WWTR1: variants seen among roughly 807,000 people sequenced by gnomAD.
The protein encoded by WWTR1 is WW domain-containing transcription regulator protein 1.
A neutral mutation model predicts 40.1 loss-of-function variants in WWTR1; 13 were observed. The ratio of observed to expected loss-of-function variants is 0.32; its 90% CI spans 0.21 to 0.52. The LOEUF (loss-of-function observed/expected upper bound fraction) is 0.52. Among genes scored for constraint, WWTR1 ranks in the 20% least tolerant of loss-of-function variants. The pLI is 0.97. For synonymous variants in WWTR1, 230 were observed against 210.1 expected, an observed-to-expected ratio of 1.09 and a Z score of -0.82; for missense variants, 436 against 523.1, an observed-to-expected ratio of 0.83 and a Z score of 1.63.
upstream of WWTR1, among the ~76,000 whole-genome samples, chr3:149,658,970 A>C (rs1033957619): frequency 6.6e-6 from 1 of 151,998 alleles, no homozygotes; most frequent in African/African-American, 2.4e-5. Flanking sequence ...GAAAAAAGCC[A>C]CCCACCTTCC....
At chr3:149,615,801 G>C (rs544266513) in intron 2 of WWTR1, among the ~76,000 whole-genome samples, 36 of 152,284 alleles carry the variant, frequency 2.4e-4, no homozygotes, top group African/African-American at 7.9e-4. Flanking sequence ...AGGGGTAGCG[G>C]CCACACCACA....
At chr3:149,549,512 A>G (rs1736518784) in intron 3 of WWTR1, among the ~76,000 whole-genome samples, 1 of 152,238 alleles carries the variant, frequency 6.6e-6, no homozygotes, top group South Asian at 2.1e-4. Flanking sequence ...AAACTGTCAC[A>G]GCCAAAAGGA....
At chr3:149,645,331 G>A (rs1029153324) in intron 2 of WWTR1, among the ~76,000 whole-genome samples, 23 of 151,820 alleles carry the variant, frequency 1.5e-4, no homozygotes, top group South Asian at 8.3e-4. Flanking sequence ...TGCCCGCCTC[G>A]GCCTCCCAAA....
intron 2 of WWTR1, among the ~76,000 whole-genome samples, chr3:149,624,901 T>A (rs111870835): frequency 0.019 from 2,877 of 151,536 alleles, 80 homozygotes; most frequent in African/African-American, 0.063. Context: ...TTATTTATTT[T>A]TTTATTTTTA....
chr3:149,581,147 C>A (rs922752610), intron 2 of WWTR1, among the ~76,000 whole-genome samples: 2 of 152,154 alleles, frequency 1.3e-5, no homozygotes, highest in East Asian at 1.9e-4. Flanking sequence ...ATTAATAATT[C>A]TTTGTCCCAA....
In WWTR1 at chr3:149,542,432, AGCGCATTGG is replaced by A; in HGVS notation, c.665_673del (p.Pro222_Ala224del). The stretch of plus-strand genomic sequence containing the variant: ...CTGCTGCTGCTGCTGCTGAGTGGTC[AGCGCATTGG>A]GCATACTCATGAGCCCTGCGGGTGG... On this transcript the variant is annotated inframe_deletion, in exon 4 of 7. Coordinates refer to ENST00000360632, the MANE Select transcript of WWTR1 (RefSeq NM_015472.6). 1 of 1,614,142 alleles carries A rather than the reference AGCGCATTGG, an allele frequency of 6.2e-7. No homozygotes were observed.
chr3:149,524,632 G>C (rs921318960), intron 6 of WWTR1, among the ~76,000 whole-genome samples: 7 of 152,148 alleles, frequency 4.6e-5, no homozygotes, highest in African/African-American at 1.7e-4. Context: ...TCACAAGATA[G>C]TCTTTGCAAT....
chr3:149,576,282 T>C (rs1576573208), intron 2 of WWTR1: 2 of 352,370 alleles, frequency 5.7e-6, no homozygotes, highest in East Asian at 7.4e-5. Flanking sequence ...GAAAACTAAA[T>C]TCTCCTATTG....
intron 2 of WWTR1, among the ~76,000 whole-genome samples, chr3:149,644,898 C>G (rs1971537): frequency 0.073 from 11,141 of 151,932 alleles, 938 homozygotes; most frequent in African/African-American, 0.21. Flanking sequence ...TGTGGCCCAG[C>G]CTGGAATGCA....
In WWTR1 at chr3:149,612,524, C is replaced by T. The variant is rs140840330; in HGVS notation, c.432-39524G>A. ...TACTTGTAAGTAAACAGGTGGTGTT[C>T]GGATGAGTCCCTTAAAAGCCCCTGT... On this transcript the variant is annotated intron_variant, in intron 2 of 6. Transcript: ENST00000360632. 2.0e-4 allele frequency among the ~76,000 whole-genome samples: 30 copies of T among 152,182 alleles called. No homozygotes were observed. The East Asian group carries it at 5.6e-3, about 28-fold the overall frequency.
At chr3:149,633,942 G>C (rs144043785) in intron 2 of WWTR1, among the ~76,000 whole-genome samples, 1 of 152,274 alleles carries the variant, frequency 6.6e-6, no homozygotes, top group Non-Finnish European at 1.5e-5. Context: ...TCTGTAGCAG[G>C]AAAAGGGTGA....
At chr3:149,722,710 G>C (rs763950363) in intron 4 of WWTR1, among the ~76,000 whole-genome samples, 11 of 151,428 alleles carry the variant, frequency 7.3e-5, no homozygotes, top group Non-Finnish European at 1.5e-4. Flanking sequence ...CTCTGTTCAC[G>C]TTCCTCCAGT....
intron 1 of WWTR1, among the ~76,000 whole-genome samples, chr3:149,671,133 C>T (rs922837465): frequency 6.6e-6 from 1 of 152,070 alleles, no homozygotes; most frequent in Non-Finnish European, 1.5e-5. Context: ...AAATATTTAA[C>T]TCATGAATCC....
chr3:149,536,113 T>C (rs998235968), intron 4 of WWTR1, among the ~76,000 whole-genome samples: 2 of 152,180 alleles, frequency 1.3e-5, no homozygotes, highest in South Asian at 2.1e-4. Context: ...TTCTGGGACA[T>C]GTAAGCAAAT....
chr3:149,720,620 T>C (rs1715731485), intron 4 of WWTR1, among the ~76,000 whole-genome samples: 2 of 152,110 alleles, frequency 1.3e-5, no homozygotes, highest in Non-Finnish European at 2.9e-5. Flanking sequence ...AAATTTCATA[T>C]GAATATTAAG....
At chr3:149,689,066 G>A (rs538227580) in intron 1 of WWTR1, among the ~76,000 whole-genome samples, 20 of 152,156 alleles carry the variant, frequency 1.3e-4, no homozygotes, top group Non-Finnish European at 2.8e-4. Context: ...GTATTAGTGA[G>A]CTTCAAGACA....
At chr3:149,564,556 G>A (rs1347698407) in intron 3 of WWTR1, among the ~76,000 whole-genome samples, 2 of 151,284 alleles carry the variant, frequency 1.3e-5, no homozygotes, top group African/African-American at 4.9e-5. Context: ...AAAATAGAGG[G>A]AATCACCCTT....
intron 2 of WWTR1, among the ~76,000 whole-genome samples, chr3:149,639,993 CA>C (rs1215330406): frequency 0.038 from 2,901 of 76,172 alleles, 63 homozygotes; most frequent in African/African-American, 0.12. Flanking sequence ...GACTCCGTCT[CA>C]AAAAAAAAAA....
chr3:149,678,822 ATTTTT>A lies in WWTR1; in HGVS notation c.-107-8936_-107-8932del, dbSNP rs57101843. 5.3e-3 allele frequency among the ~76,000 whole-genome samples: 717 copies of A among 135,544 alleles called. 8 individuals are homozygous for A. The highest frequency in any genetic ancestry group is 0.018 in the African/African-American group (677 of 36,942). 88.9% of individuals were successfully genotyped at this position (135,544 alleles called of 152,430 possible). A position where few individuals can be genotyped will look rare whatever the true frequency, so the allele number is the denominator to read the frequency against. ...GAATTATATTAACGTGTTCACAAGT[ATTTTT>A]TTTTTTTTTTTTTTGATGGAGTTTC... On this transcript the variant is annotated intron_variant, in intron 1 of 7. Coordinates refer to the WWTR1 transcript ENST00000465804.
Sources: gnomAD v4.1 joint callset for allele counts (sites outside exome capture counted in the v4.1 genomes callset) on GRCh38, gnomAD v4.1.1 for gene constraint, MANE v1.5 for transcripts, NCBI Gene and HGNC (gene_info 2026-07-23, HGNC 2026-07-21) for gene names.